TBC1D5: variants seen among roughly 807,000 people sequenced by gnomAD.
TBC1D5 encodes TBC1 domain family, member 5.
In TBC1D5, 75 loss-of-function variants were observed where a neutral mutation model predicts 100.3. The observed-to-expected ratio is 0.75, with a 90% confidence interval of 0.62 to 0.91. The LOEUF (loss-of-function observed/expected upper bound fraction) is 0.91, where lower values mean the gene tolerates loss of function less well. Ranked by LOEUF, TBC1D5 falls within the 40% of genes least tolerant of loss-of-function variation. The probability of loss-of-function intolerance (pLI) is 0.00; values close to 1 mark genes in which losing one functional copy is unlikely to be tolerated. For synonymous variants in TBC1D5, 323 were observed against 325.6 expected (o/e 0.99, Z 0.09); for missense variants, 910 against 942.4 (o/e 0.97, Z 0.45).
intron 17 of TBC1D5, among the ~76,000 whole-genome samples, chr3:17,224,586 G>A (rs2074643600): frequency 6.6e-6 from 1 of 151,952 alleles, no homozygotes; most frequent in African/African-American, 2.4e-5. Flanking sequence ...GACAGCAAGG[G>A]TATAAACTAA....
At chr3:17,163,548 TGTCA>T (rs1326836949) in intron 21 of TBC1D5, among the ~76,000 whole-genome samples, 1 of 152,244 alleles carries the variant, frequency 6.6e-6, no homozygotes, top group Non-Finnish European at 1.5e-5. Flanking sequence ...GTTTTCAACC[TGTCA>T]GTCCTGCCTA....
intron 15 of TBC1D5, among the ~76,000 whole-genome samples, chr3:17,265,965 A>T (rs778387234): frequency 4.6e-5 from 7 of 152,132 alleles, no homozygotes; most frequent in Non-Finnish European, 1.0e-4. Context: ...TAAAAAAGAT[A>T]AGGATTAAGT....
chr3:17,602,693 C>T (rs1560256738), intron 2 of TBC1D5, among the ~76,000 whole-genome samples: 1 of 150,776 alleles, frequency 6.6e-6, no homozygotes, highest in Non-Finnish European at 1.5e-5. Context: ...CTGTCTCAGC[C>T]TCCCAAGTAG....
At chr3:17,468,019 AG>A (rs1193833313) in intron 3 of TBC1D5, among the ~76,000 whole-genome samples, 1 of 152,256 alleles carries the variant, frequency 6.6e-6, no homozygotes, top group Non-Finnish European at 1.5e-5. Context: ...TAACGTTAAA[AG>A]AAAGTATACA....
At chr3:17,173,780 A>C (rs190386585) in intron 19 of TBC1D5, among the ~76,000 whole-genome samples, 4 of 152,296 alleles carry the variant, frequency 2.6e-5, no homozygotes, top group East Asian at 1.9e-4. Context: ...GTAGACTCTA[A>C]AGAGGAACTA....
intron 19 of TBC1D5, among the ~76,000 whole-genome samples, chr3:17,169,174 T>C (rs969813841): frequency 2.0e-5 from 3 of 152,256 alleles, no homozygotes; most frequent in African/African-American, 7.2e-5. Context: ...ATGTATTTGC[T>C]GGTTTATTCA....
chr3:17,185,298 G>C, intron 18 of TBC1D5, 90 bp from the exon 20 acceptor site: 1 of 1,006,028 alleles, frequency 9.9e-7, no homozygotes, highest in Non-Finnish European at 1.4e-6. Context: ...CTAGTTTAAA[G>C]AAGCATGATA....
At chr3:17,280,187 T>TG (rs1179985580) in intron 15 of TBC1D5, among the ~76,000 whole-genome samples, 5 of 152,070 alleles carry the variant, frequency 3.3e-5, no homozygotes, top group African/African-American at 4.8e-5. Context: ...ACTATAGAGA[T>TG]GGGGGCAGGG....
intron 16 of TBC1D5, among the ~76,000 whole-genome samples, chr3:17,247,990 T>TA (rs1382118489): frequency 8.1e-6 from 1 of 123,060 alleles, no homozygotes; most frequent in Non-Finnish European, 1.6e-5. Flanking sequence ...CTCCACTAAT[T>TA]TTTTTTTTTT....
intron 17 of TBC1D5, among the ~76,000 whole-genome samples, chr3:17,220,997 C>T (rs776037597): frequency 6.6e-5 from 10 of 152,204 alleles, no homozygotes; most frequent in Non-Finnish European, 1.3e-4. Flanking sequence ...AAAGGAATTG[C>T]TGTAATGACT....
At chr3:17,562,919 A>C (rs2096568944) in intron 2 of TBC1D5, among the ~76,000 whole-genome samples, 1 of 152,242 alleles carries the variant, frequency 6.6e-6, no homozygotes, top group Non-Finnish European at 1.5e-5. Context: ...TAAAAGAATA[A>C]TGATATAAAG....
chr3:17,343,206 C>A (rs1314175739), intron 13 of TBC1D5, among the ~76,000 whole-genome samples: 7 of 152,118 alleles, frequency 4.6e-5, no homozygotes, highest in African/African-American at 1.4e-4. Flanking sequence ...AAGGCCTTTT[C>A]TGCATCTATT....
chr3:17,470,900 G>A (rs994781974), intron 3 of TBC1D5, among the ~76,000 whole-genome samples: 4 of 151,988 alleles, frequency 2.6e-5, no homozygotes, highest in Non-Finnish European at 4.4e-5. Context: ...CAGCCCGGAC[G>A]ACAGAGTGAT....
intron 13 of TBC1D5, among the ~76,000 whole-genome samples, chr3:17,330,090 G>C (rs7630433): frequency 0.41 from 61,841 of 151,870 alleles, 13,251 homozygotes; most frequent in Middle Eastern, 0.5. Flanking sequence ...CACCTCCCTT[G>C]CAGTTGCCCC....
intron 14 of TBC1D5, among the ~76,000 whole-genome samples, chr3:17,301,064 G>A (rs1374360548): frequency 1.3e-3 from 181 of 141,540 alleles, no homozygotes; most frequent in African/African-American, 4.2e-3. Flanking sequence ...GTAAAACTCC[G>A]TCTCAGAAAA....
At chr3:17,385,560 A>AG (rs1365434312) in intron 8 of TBC1D5, among the ~76,000 whole-genome samples, 2 of 152,136 alleles carry the variant, frequency 1.3e-5, no homozygotes, top group East Asian at 3.9e-4. Context: ...GAATTGTGCT[A>AG]GAGATCTGTG....
intron 19 of TBC1D5, among the ~76,000 whole-genome samples, chr3:17,173,815 G>A (rs149960312): frequency 1.4e-3 from 206 of 152,308 alleles, no homozygotes; most frequent in African/African-American, 4.6e-3. Flanking sequence ...AAATAGAGAG[G>A]TGGGATTAAG....
chr3:17,485,168 G>T (rs1353817767), intron 3 of TBC1D5, among the ~76,000 whole-genome samples: 2 of 151,834 alleles, frequency 1.3e-5, no homozygotes, highest in South Asian at 4.2e-4. Context: ...TAAGGAATGG[G>T]TTTATTTTTT....
chr3:17,536,471 T>C (rs2096282582), intron 2 of TBC1D5, among the ~76,000 whole-genome samples: 1 of 152,226 alleles, frequency 6.6e-6, no homozygotes, highest in South Asian at 2.1e-4. Context: ...TCCACCATTT[T>C]CATCATCTAT....
Sources: allele counts gnomAD v4.1 joint callset (sites outside exome capture counted in the v4.1 genomes callset), GRCh38; gene constraint gnomAD v4.1.1; transcripts MANE v1.5; gene names NCBI Gene and HGNC (gene_info 2026-07-23, HGNC 2026-07-21).